SLC26A4: variants seen among roughly 807,000 people sequenced by gnomAD.
The protein encoded by SLC26A4 is pendrin.
In SLC26A4, 93 loss-of-function variants were observed where a neutral mutation model predicts 90.4. That is an observed-to-expected ratio of 1.03 (90% CI 0.87 to 1.22). SLC26A4 has a LOEUF of 1.22. Ranked by LOEUF, SLC26A4 falls within the 50% of genes most tolerant of loss-of-function variation. The pLI is 0.00. For missense variants in SLC26A4, 1,127 were observed against 946.2 expected (o/e 1.19, Z -2.51); for synonymous variants, 393 against 354.6 (o/e 1.11, Z -1.22).
At chr7:107,673,427 G>T (rs1057479099) in intron 4 of SLC26A4, among the ~76,000 whole-genome samples, 1 of 151,670 alleles carries the variant, frequency 6.6e-6, no homozygotes, top group Admixed American at 6.6e-5. Flanking sequence ...ATTGATCAAG[G>T]TACTCAGATC....
intron 9 of SLC26A4, among the ~76,000 whole-genome samples, chr7:107,689,462 T>A (rs1327623018): frequency 1.3e-5 from 2 of 152,200 alleles, no homozygotes; most frequent in African/African-American, 4.8e-5. Context: ...ACATTCAAAG[T>A]GAACATATTA....
chr7:107,681,669 T>G lies in SLC26A4; in HGVS notation c.766-1533T>G, dbSNP rs948923515. 2.0e-5 allele frequency among the ~76,000 whole-genome samples: 3 copies of G among 152,188 alleles called. No individual in the cohort carries two copies. In the East Asian group the frequency reaches 5.8e-4, roughly 29 times the overall value. On this transcript the variant is annotated intron_variant, in intron 6 of 20. Transcript: ENST00000644269. ...AGGACTGAAGTTAATATAACAAAGA[T>G]ATTAGTGTTCTTCCTTGGGATTCTT...
rs1345175795 is a variant in SLC26A4 at position 107,663,358 on chromosome 7, C to T, written c.227C>T (p.Pro76Leu). Reference sequence around the variant, plus strand: ...CTTGTGCCCATCTTGGAGTGGCTCCCCAAATACCGAGTCAAGGAATGGCTG... The same window carrying T: ...CTTGTGCCCATCTTGGAGTGGCTCCTCAAATACCGAGTCAAGGAATGGCTG... ...KTLVPILEWL[P>L]KYRVKEWLLS... is the part of the protein sequence containing the mutation. Residue 76 changes from proline (P) to leucine (L), a missense_variant, in exon 3 of 21, where the codon CCC becomes CTC. By Grantham distance (98) the Pro-to-Leu change is moderately conservative. Transcript: ENST00000644269. 1 of 1,614,048 alleles carries T rather than the reference C, an allele frequency of 6.2e-7. No individual in the cohort carries two copies. Among genetic ancestry groups the T allele is most frequent in the East Asian group, 2.2e-5 (1 of 44,876 alleles).
intron 6 of SLC26A4, among the ~76,000 whole-genome samples, chr7:107,679,293 T>C (rs2129312985): frequency 6.6e-6 from 1 of 152,336 alleles, no homozygotes; most frequent in East Asian, 1.9e-4. Flanking sequence ...ATTAGATTTG[T>C]TACTTTGTAC....
At chr7:107,702,386 G>T (rs969256282) in intron 17 of SLC26A4, among the ~76,000 whole-genome samples, 6 of 152,100 alleles carry the variant, frequency 3.9e-5, no homozygotes, top group African/African-American at 1.4e-4. Flanking sequence ...TAGATATAAG[G>T]TGTTTAGAAG....
rs750848192 is a variant in SLC26A4, at chr7:107,683,464, G to T, written c.928G>T (p.Ala310Ser). 2.5e-6 allele frequency: 4 copies of T among 1,613,612 alleles called. No individual in the cohort carries two copies. In the Admixed American group the frequency reaches 6.7e-5, roughly 27 times the overall value. ...TTTTGTTTTATTTCAGACGATAATT[G>T]CTACTGCCATTTCATATGGAGCCAA... ...IPIEVIVTII[A>S]TAISYGANLE... Residue 310 changes from alanine to serine, a missense_variant, in exon 8 of 21, where the codon GCT becomes TCT. Physicochemically the swap from Ala to Ser is moderately conservative, Grantham distance 99. Transcript: ENST00000644269.
chr7:107,670,089 T>C (rs1345518828), intron 3 of SLC26A4, among the ~76,000 whole-genome samples: 1 of 150,238 alleles, frequency 6.7e-6, no homozygotes, highest in Non-Finnish European at 1.5e-5. Flanking sequence ...AATTACTTCA[T>C]ATTTTATTCA....
intron 17 of SLC26A4, among the ~76,000 whole-genome samples, chr7:107,703,647 G>T (rs568692358): frequency 6.6e-6 from 1 of 152,090 alleles, no homozygotes; most frequent in Non-Finnish European, 1.5e-5. Flanking sequence ...CCCACACAAC[G>T]AATATTTACT....
Position 107,694,614 on chromosome 7 carries a change from T to C in SLC26A4, c.1342-7T>C. The stretch of plus-strand genomic sequence containing the variant: ...AATAACACAGCCTTCTCTGTCTCTC[T>C]TGGCAGTCGGTCTTGGCAGCTGTTG... On this transcript the variant is annotated splice_polypyrimidine_tract_variant and splice_region_variant and intron_variant, in intron 11 of 20. Transcript: ENST00000644269. The C allele has an allele frequency of 1.2e-6, 2 of 1,607,734 alleles. No individual in the cohort carries two copies. The highest frequency in any genetic ancestry group is 1.7e-6 in the Non-Finnish European group (2 of 1,174,244).
chr7:107,711,969 C>T (rs1792203198), intron 19 of SLC26A4, among the ~76,000 whole-genome samples: 1 of 152,180 alleles, frequency 6.6e-6, no homozygotes, highest in East Asian at 1.9e-4. Flanking sequence ...TTGAAAATGT[C>T]CTTTTCCATG....
chr7:107,674,018 A>T, intron 4 of SLC26A4, 146 bp from the exon 5 acceptor site: 1 of 810,114 alleles, frequency 1.2e-6, no homozygotes, highest in Non-Finnish European at 2.0e-6. Context: ...GATGTGAGCC[A>T]CTGGGTCCGG....
chr7:107,705,309 T>C (rs772170558), intron 18 of SLC26A4, among the ~76,000 whole-genome samples: 1 of 152,244 alleles, frequency 6.6e-6, no homozygotes, highest in Non-Finnish European at 1.5e-5. Flanking sequence ...TGTATGTCTC[T>C]GAGTTTTTGT....
chr7:107,673,207 C>T (rs1168981238), intron 4 of SLC26A4, among the ~76,000 whole-genome samples: 1 of 151,960 alleles, frequency 6.6e-6, no homozygotes, highest in Non-Finnish European at 1.5e-5. Context: ...AACCATAAAG[C>T]CTTCCATGAT....
chr7:107,661,714 C>A lies in SLC26A4; in HGVS notation c.73C>A (p.Pro25Thr), dbSNP rs551733961. The A allele has an allele frequency of 3.4e-5, 53 of 1,566,150 alleles. 1 individual carries two copies. The South Asian group carries it at 5.6e-4, about 17-fold the overall frequency. Residue 25 changes from proline to threonine, a missense_variant, in exon 2 of 21, where the codon CCG becomes ACG. Transcript: ENST00000644269. The surrounding 1 kb of genome is among the most constrained non-coding windows in gnomAD (Gnocchi z 5.1). ...EYSCSYMVSR[P>T]VYSELAFQQQ... ...CAGCTGCAGCTACATGGTGTCGCGG[C>A]CGGTCTACAGCGAGCTCGCTTTCCA...
At chr7:107,709,654 C>G (rs1172700111) in intron 18 of SLC26A4, among the ~76,000 whole-genome samples, 1 of 152,158 alleles carries the variant, frequency 6.6e-6, no homozygotes, top group African/African-American at 2.4e-5. Context: ...GATGGATACA[C>G]TGGCTTGGCC....
At chr7:107,677,220 A>C (rs992246591) in intron 6 of SLC26A4, among the ~76,000 whole-genome samples, 2 of 151,982 alleles carry the variant, frequency 1.3e-5, no homozygotes, top group African/African-American at 4.8e-5. Flanking sequence ...CCAAAAACAA[A>C]CAAAAAAGAT....
chr7:107,666,454 T>C (rs67957258), intron 3 of SLC26A4, among the ~76,000 whole-genome samples: 16,544 of 152,118 alleles, frequency 0.11, 1,636 homozygotes, highest in East Asian at 0.3. Context: ...ACTCCTAGGC[T>C]CAAGTTATCT....
chr7:107,710,085 G>T lies in SLC26A4; in HGVS notation c.2121G>T (p.Gly707=), dbSNP rs1175646812. ...DYVIEKLEQC[G]FFDDNIRKDT... is the part of the protein sequence containing the mutation. Reference sequence around the variant, plus strand: ...TGATAGAAAAGCTGGAGCAATGCGGGTTCTTTGACGACAACATTAGAAAGG... The same window carrying T: ...TGATAGAAAAGCTGGAGCAATGCGGTTTCTTTGACGACAACATTAGAAAGG... The change falls in exon 19 of 21, where the codon GGG becomes GGT. Residue 707 remains glycine (G), a synonymous_variant. Transcript: ENST00000644269. The T allele has an allele frequency of 1.2e-6, 2 of 1,612,626 alleles. No individual in the cohort carries two copies. The highest frequency in any genetic ancestry group is 2.7e-5 in the African/African-American group (2 of 74,890).
intron 17 of SLC26A4, among the ~76,000 whole-genome samples, chr7:107,702,742 A>G (rs1022496241): frequency 1.3e-5 from 2 of 151,968 alleles, no homozygotes; most frequent in Non-Finnish European, 2.9e-5. Context: ...AAATTAATTC[A>G]CATTTATTAT....
Sources: gnomAD v4.1 joint callset for allele counts (sites outside exome capture counted in the v4.1 genomes callset) on GRCh38, gnomAD v4.1.1 for gene constraint, Gnocchi (gnomAD v3.1) non-coding constraint, MANE v1.5 for transcripts, NCBI Gene and HGNC (gene_info 2026-07-23, HGNC 2026-07-21) for gene names.